Variants in KCND2 observed in about 807,000 individuals in gnomAD.
KCND2 encodes the protein A-type voltage-gated potassium channel KCND2.
Under a neutral mutation model 54.4 loss-of-function variants are expected in KCND2, and 16 were observed. The ratio of observed to expected loss-of-function variants is 0.29; its 90% CI spans 0.20 to 0.45. The LOEUF is 0.45. KCND2 is among the 20% of genes least tolerant of loss of function. The pLI, the probability that KCND2 is intolerant of heterozygous loss-of-function variation, is 1.00. For missense variants in KCND2, 486 were observed against 824.2 expected, an observed-to-expected ratio of 0.59 and a Z score of 5.02; for synonymous variants, 317 against 310.7, an observed-to-expected ratio of 1.02 and a Z score of -0.21.
chr7:120,356,742 GA>G (rs1439176999), intron 1 of KCND2, among the ~76,000 whole-genome samples: 3 of 152,070 alleles, frequency 2.0e-5, no homozygotes, highest in African/African-American at 7.2e-5. Context: ...TATCCAGGAT[GA>G]ACTAAGGATC....
At chr7:120,697,708 T>C (rs1792349024) in intron 1 of KCND2, among the ~76,000 whole-genome samples, 1 of 152,168 alleles carries the variant, frequency 6.6e-6, no homozygotes, top group Admixed American at 6.5e-5. Context: ...AAGATAATGC[T>C]AAGAACAATT....
intron 1 of KCND2, among the ~76,000 whole-genome samples, chr7:120,288,438 A>G (rs1047008034): frequency 3.9e-5 from 6 of 152,160 alleles, no homozygotes; most frequent in Non-Finnish European, 7.4e-5. Flanking sequence ...ACCTAAAGAT[A>G]GAAAACAAAT....
At chr7:120,427,656 T>G (rs1584774596) in intron 1 of KCND2, among the ~76,000 whole-genome samples, 1 of 152,190 alleles carries the variant, frequency 6.6e-6, no homozygotes, top group Non-Finnish European at 1.5e-5. Flanking sequence ...TGAGAAAATG[T>G]TTATCCATAT....
At chr7:120,569,623 A>G (rs971055648) in intron 1 of KCND2, among the ~76,000 whole-genome samples, 24 of 152,160 alleles carry the variant, frequency 1.6e-4, no homozygotes, top group Admixed American at 3.9e-4. Context: ...AATAAATACA[A>G]AATACTGTCA....
chr7:120,558,039 T>C (rs1792185609), intron 1 of KCND2, among the ~76,000 whole-genome samples: 1 of 152,180 alleles, frequency 6.6e-6, no homozygotes, highest in East Asian at 1.9e-4. Context: ...GCCTCTTAAA[T>C]TTTTATTAAT....
intron 1 of KCND2, among the ~76,000 whole-genome samples, chr7:120,335,162 T>C (rs1351427755): frequency 1.3e-5 from 2 of 151,878 alleles, no homozygotes; most frequent in Non-Finnish European, 2.9e-5. Context: ...GTGAGGAGTT[T>C]GAGACCAGAC....
intron 2 of KCND2, among the ~76,000 whole-genome samples, chr7:120,740,667 T>C (rs1792928629): frequency 6.6e-6 from 1 of 152,112 alleles, no homozygotes; most frequent in South Asian, 2.1e-4. Context: ...GGGATCTAAC[T>C]GTAACTTAAA....
rs576282268 is a variant in KCND2 at position 120,723,506 on chromosome 7, T to C, written c.1116-9397T>C. 1.4e-3 allele frequency among the ~76,000 whole-genome samples: 207 copies of C among 152,204 alleles called. 1 individual carries two copies. The highest frequency in any genetic ancestry group is 2.7e-3 in the Non-Finnish European group (185 of 68,026). On this transcript the variant is annotated intron_variant, in intron 1 of 5. Transcript: ENST00000331113. ...GAACAGAGTCTATATTTATTTGAAT[T>C]GTTGGATATTTAAAAGGACAAAATC...
rs200871050 is a variant in KCND2 at position 120,335,463 on chromosome 7, AC to A, written c.1115+59717del. On this transcript the variant is annotated intron_variant, in intron 1 of 5. Transcript: ENST00000331113. ...TATTTATTTATTTATTTATTTACTT[AC>A]TTACTTATTTATTTATTTATTTATT... is the stretch of plus-strand genomic sequence containing the variant. Among the ~76,000 whole-genome samples, 1,202 of 138,454 alleles carry A rather than the reference AC, an allele frequency of 8.7e-3. 18 individuals carry two copies. The highest frequency in any genetic ancestry group is 0.033 in the African/African-American group (1,095 of 33,656). 90.8% of individuals were successfully genotyped at this position (138,454 alleles called of 152,430 possible). A position where few individuals can be genotyped will look rare whatever the true frequency, so the allele number is the denominator to read the frequency against.
intron 1 of KCND2, among the ~76,000 whole-genome samples, chr7:120,721,463 ATCTT>A (rs887056360): frequency 2.8e-4 from 43 of 152,184 alleles, no homozygotes; most frequent in African/African-American, 1.0e-3. Context: ...TTGGAATAGA[ATCTT>A]TCTTCTAAAA....
chr7:120,521,310 A>AT (rs200046963), intron 1 of KCND2, among the ~76,000 whole-genome samples: 3 of 152,050 alleles, frequency 2.0e-5, no homozygotes, highest in African/African-American at 7.2e-5. Flanking sequence ...AAGATGTCCA[A>AT]TTTTTAAAAA....
chr7:120,690,602 G>C (rs796636731), intron 1 of KCND2, among the ~76,000 whole-genome samples: 1 of 152,176 alleles, frequency 6.6e-6, no homozygotes, highest in South Asian at 2.1e-4. Context: ...CACTGGAACA[G>C]ATGGGTGTAA....
chr7:120,585,233 T>C (rs1479967375), intron 1 of KCND2, among the ~76,000 whole-genome samples: 1 of 152,004 alleles, frequency 6.6e-6, no homozygotes, highest in African/African-American at 2.4e-5. Context: ...AAAACTCACC[T>C]CTGTGAACAA....
chr7:120,367,950 C>A (rs985317910), intron 1 of KCND2, among the ~76,000 whole-genome samples: 1 of 152,008 alleles, frequency 6.6e-6, no homozygotes, highest in Non-Finnish European at 1.5e-5. Context: ...ATCTTTGTTG[C>A]CAGAGTGTAA....
intron 1 of KCND2, among the ~76,000 whole-genome samples, chr7:120,396,558 G>A (rs1801158219): frequency 6.6e-6 from 1 of 151,864 alleles, no homozygotes; most frequent in Admixed American, 6.6e-5. Flanking sequence ...TATTTTAATT[G>A]GATACATTAA....
intron 1 of KCND2, among the ~76,000 whole-genome samples, chr7:120,465,518 C>G (rs1282504932): frequency 6.6e-6 from 1 of 151,306 alleles, no homozygotes; most frequent in Non-Finnish European, 1.5e-5. Flanking sequence ...AAAAAAGAAA[C>G]AAAGATCAAA....
chr7:120,369,290 T>C (rs1032009664), intron 1 of KCND2, among the ~76,000 whole-genome samples: 1 of 152,030 alleles, frequency 6.6e-6, no homozygotes, highest in African/African-American at 2.4e-5. Flanking sequence ...TCTTATATTT[T>C]GCTTCAGTTT....
intron 1 of KCND2, among the ~76,000 whole-genome samples, chr7:120,623,981 G>A (rs952398854): frequency 1.3e-5 from 2 of 152,166 alleles, no homozygotes; most frequent in Admixed American, 6.5e-5. Context: ...GTTAGTTGAT[G>A]CAAATATTGT....
chr7:120,387,236 G>T (rs1049579249), intron 1 of KCND2, among the ~76,000 whole-genome samples: 2 of 151,876 alleles, frequency 1.3e-5, no homozygotes, highest in African/African-American at 4.8e-5. Flanking sequence ...ATATGCATAT[G>T]ATATATATTT....
Sources: gnomAD v4.1 joint callset for allele counts (sites outside exome capture counted in the v4.1 genomes callset) on GRCh38, gnomAD v4.1.1 for gene constraint, MANE v1.5 for transcripts, NCBI Gene and HGNC (gene_info 2026-07-23, HGNC 2026-07-21) for gene names.